The following RXFP1 variants were observed in gnomAD, a reference collection of about 807,000 sequenced individuals.
The protein encoded by RXFP1 is relaxin family peptide receptor 1, also known as relaxin receptor 1.
Under a neutral mutation model 89.8 loss-of-function variants are expected in RXFP1, and 73 were observed. The observed-to-expected ratio is 0.81, with a 90% CI of 0.67 to 0.99. The LOEUF is 0.99. Ranked by LOEUF, RXFP1 falls within the 50% of genes least tolerant of loss-of-function variation. The pLI is 0.00. For synonymous variants in RXFP1, 277 were observed against 305.5 expected (o/e 0.91, Z 0.97); for missense variants, 793 against 895.5 (o/e 0.89, Z 1.46).
intron 14 of RXFP1, among the ~76,000 whole-genome samples, chr4:158,641,179 C>T (rs1206563584): frequency 5.3e-5 from 8 of 152,156 alleles, no homozygotes; most frequent in African/African-American, 1.9e-4. Context: ...ATAAAGCAAT[C>T]TGACTAAATT....
chr4:158,602,712 G>T (rs146437521), intron 4 of RXFP1, among the ~76,000 whole-genome samples: 1 of 152,226 alleles, frequency 6.6e-6, no homozygotes, highest in Non-Finnish European at 1.5e-5. Flanking sequence ...TGTGCAAATG[G>T]CAGGCATTCA....
At chr4:158,579,436 T>G (rs187997076) in intron 2 of RXFP1, among the ~76,000 whole-genome samples, 1 of 152,202 alleles carries the variant, frequency 6.6e-6, no homozygotes, top group East Asian at 1.9e-4. Context: ...CCCAGCTAAT[T>G]TTTGTATTTA....
intron 17 of RXFP1, 55 bp downstream of exon 17, chr4:158,648,772 CT>C: frequency 1.8e-6 from 2 of 1,089,028 alleles, no homozygotes; most frequent in Non-Finnish European, 2.6e-6. Context: ...TTACAGTGTT[CT>C]TTTAAGGAAA....
chr4:158,561,810 T>G (rs2149942711), intron 1 of RXFP1, among the ~76,000 whole-genome samples: 1 of 151,988 alleles, frequency 6.6e-6, no homozygotes, highest in Admixed American at 6.6e-5. Flanking sequence ...GTATTATTAG[T>G]AGGGACAGGG....
chr4:158,557,747 G>C (rs1442311910), intron 1 of RXFP1, among the ~76,000 whole-genome samples: 1 of 152,194 alleles, frequency 6.6e-6, no homozygotes, highest in Non-Finnish European at 1.5e-5. Flanking sequence ...ATCACTAAAA[G>C]CGAGATGCAT....
In RXFP1 at chr4:158,635,216, G is replaced by C. The variant is rs545937100; in HGVS notation, c.971+1740G>C. On this transcript the variant is annotated intron_variant, in intron 12 of 17. Coordinates refer to ENST00000307765, the MANE Select transcript of RXFP1 (RefSeq NM_021634.4). ...TATTTTCTTTCAGCAATGTTTCGCA[G>C]TTGCCAGGGTATTTATCTTTCACCT... is the stretch of plus-strand genomic sequence containing the variant. 4.6e-5 allele frequency among the ~76,000 whole-genome samples: 7 copies of C among 152,258 alleles called. No individual in the cohort carries two copies. In the South Asian group the frequency reaches 1.5e-3, roughly 32 times the overall value.
At chr4:158,564,992 T>C (rs750932831) in intron 1 of RXFP1, among the ~76,000 whole-genome samples, 2 of 152,212 alleles carry the variant, frequency 1.3e-5, no homozygotes, top group Non-Finnish European at 2.9e-5. Flanking sequence ...GGTATTTTTC[T>C]GTGTTGAGTG....
At chr4:158,572,549 G>C (rs577516136) in intron 1 of RXFP1, 149 bp from the exon 2 acceptor site, 2 of 725,432 alleles carry the variant, frequency 2.8e-6, no homozygotes, top group East Asian at 5.0e-5. Flanking sequence ...AAGAGGTGAA[G>C]GTTCCTAGAA....
At chr4:158,595,216 TACA>T (rs1225307093) in intron 3 of RXFP1, among the ~76,000 whole-genome samples, 1 of 152,250 alleles carries the variant, frequency 6.6e-6, no homozygotes, top group Non-Finnish European at 1.5e-5. Context: ...CTCCGTTTTG[TACA>T]ACTTATATCA....
At chr4:158,565,848 T>A (rs901788223) in intron 1 of RXFP1, among the ~76,000 whole-genome samples, 3 of 152,222 alleles carry the variant, frequency 2.0e-5, no homozygotes, top group African/African-American at 7.2e-5. Flanking sequence ...GGAATTTGGG[T>A]GAAACCACTA....
At chr4:158,615,073 CT>C (rs371506593) in intron 8 of RXFP1, among the ~76,000 whole-genome samples, 3 of 152,114 alleles carry the variant, frequency 2.0e-5, no homozygotes, top group African/African-American at 7.2e-5. Flanking sequence ...GCCCATAATT[CT>C]TGTGGGACTC....
chr4:158,638,234 C>G (rs1769608573), intron 13 of RXFP1, among the ~76,000 whole-genome samples, 155 bp downstream of exon 13: 2 of 152,060 alleles, frequency 1.3e-5, no homozygotes, highest in Non-Finnish European at 2.9e-5. Context: ...GAACTATAAA[C>G]AGACAACTAT....
intron 1 of RXFP1, among the ~76,000 whole-genome samples, chr4:158,567,686 A>T (rs142390485): frequency 6.8e-4 from 104 of 152,170 alleles, no homozygotes; most frequent in African/African-American, 2.4e-3. Context: ...GTATCTAGCT[A>T]ATCTAGTGGG....
At chr4:158,577,239 A>G (rs1756441608) in intron 2 of RXFP1, among the ~76,000 whole-genome samples, 1 of 152,092 alleles carries the variant, frequency 6.6e-6, no homozygotes. Flanking sequence ...GGGTTTCACC[A>G]TGTTAGCCAG....
intron 1 of RXFP1, among the ~76,000 whole-genome samples, chr4:158,555,936 GA>G (rs1022794183): frequency 6.6e-6 from 1 of 152,082 alleles, no homozygotes; most frequent in Non-Finnish European, 1.5e-5. Flanking sequence ...AACTCAAAAT[GA>G]ATTCAAGACT....
chr4:158,606,801 G>A (rs1187082653), intron 5 of RXFP1, among the ~76,000 whole-genome samples: 1 of 151,034 alleles, frequency 6.6e-6, no homozygotes, highest in African/African-American at 2.4e-5. Context: ...GCCCTGCCTG[G>A]CTGGTCTGTT....
chr4:158,591,957 ATG>A (rs1195083540), intron 2 of RXFP1, among the ~76,000 whole-genome samples: 8 of 152,136 alleles, frequency 5.3e-5, no homozygotes, highest in Non-Finnish European at 1.2e-4. Flanking sequence ...GGCTTGTACC[ATG>A]TGCAGAGATC....
chr4:158,535,174 G>C (rs1342443500), intron 1 of RXFP1, among the ~76,000 whole-genome samples: 1 of 152,034 alleles, frequency 6.6e-6, no homozygotes, highest in East Asian at 1.9e-4. Flanking sequence ...CATGGAGACA[G>C]GAAAGGACAT....
At chr4:158,599,215 A>G (rs1761212634) in intron 3 of RXFP1, 111 bp from the exon 4 acceptor site, 4 of 1,532,174 alleles carry the variant, frequency 2.6e-6, no homozygotes, top group Admixed American at 1.9e-5. Flanking sequence ...AGCACATGAT[A>G]TGCTTTTGTA....
Sources: allele counts gnomAD v4.1 joint callset (sites outside exome capture counted in the v4.1 genomes callset), GRCh38; gene constraint gnomAD v4.1.1; transcripts MANE v1.5; gene names NCBI Gene and HGNC (gene_info 2026-07-23, HGNC 2026-07-21).